SASH1: variants seen among roughly 807,000 people sequenced by gnomAD.
The protein encoded by SASH1 is SAM and SH3 domain containing 1, also known as SAM and SH3 domain-containing protein 1.
Under a neutral mutation model 125.2 loss-of-function variants are expected in SASH1, and 44 were observed. The ratio of observed to expected loss-of-function variants is 0.35; its 90% CI spans 0.28 to 0.45. The LOEUF is 0.45. Ranked by LOEUF, SASH1 falls within the 20% of genes least tolerant of loss-of-function variation. SASH1 has a pLI of 1.00. For missense variants in SASH1, 1,426 were observed against 1,614.5 expected, an observed-to-expected ratio of 0.88 and a Z score of 2.00; for synonymous variants, 639 against 649.1, an observed-to-expected ratio of 0.98 and a Z score of 0.24.
intron 2 of SASH1, among the ~76,000 whole-genome samples, chr6:148,414,580 C>T (rs934841922): frequency 6.6e-5 from 10 of 152,298 alleles, no homozygotes; most frequent in South Asian, 4.1e-4. Flanking sequence ...ATGCCTACAA[C>T]GTGCCAGGCA....
the SASH1 span, among the ~76,000 whole-genome samples, chr6:148,211,150 T>C: frequency 2.0e-5 from 3 of 152,268 alleles, no homozygotes; most frequent in Admixed American, 2.0e-4. Flanking sequence ...ATTCATCCAG[T>C]GATTCATTCA....
At chr6:148,476,819 A>G (rs866444777) in intron 7 of SASH1, among the ~76,000 whole-genome samples, 3 of 152,324 alleles carry the variant, frequency 2.0e-5, no homozygotes, top group East Asian at 3.9e-4. Context: ...AATCTATACT[A>G]CGGAGCTGTA....
chr6:148,346,533 G>A (rs972323344), intron 1 of SASH1, among the ~76,000 whole-genome samples: 1 of 151,840 alleles, frequency 6.6e-6, no homozygotes, highest in East Asian at 1.9e-4. Flanking sequence ...TGGAGGGCAG[G>A]GTCAGTGTCT....
chr6:148,322,932 T>C lies in SASH1; in HGVS notation n.74+50555T>C, dbSNP rs1314701316. ...TTTCTTTCTTTTTTCTTTCTCTCTT[T>C]CTTTTCCTTCCTTCCTTCCTCCCTC... is the stretch of plus-strand genomic sequence containing the variant. On this transcript the variant is annotated intron_variant and non_coding_transcript_variant, in intron 1 of 3. Transcript: ENST00000367469. 6.6e-4 allele frequency among the ~76,000 whole-genome samples: 77 copies of C among 116,790 alleles called. 4 individuals are homozygous for C. The highest frequency in any genetic ancestry group is 1.3e-3 in the Admixed American group (14 of 10,854). The allele number at this position is 116,790 out of a possible 152,430, so 76.6% of individuals were successfully genotyped here. A position where few individuals can be genotyped will look rare whatever the true frequency, so the allele number is the denominator to read the frequency against.
At chr6:148,339,632 C>T (rs939364001), upstream of SASH1, among the ~76,000 whole-genome samples, 1 of 151,942 alleles carries the variant, frequency 6.6e-6, no homozygotes, top group African/African-American at 2.4e-5. Flanking sequence ...GCAACCTCCA[C>T]TTCCCAGGTT....
chr6:148,530,816 A>G lies in SASH1; in HGVS notation c.1429-710A>G, dbSNP rs117242955. 5.3e-3 allele frequency among the ~76,000 whole-genome samples: 812 copies of G among 152,324 alleles called. 5 individuals are homozygous for G. Among genetic ancestry groups the G allele is most frequent in the Non-Finnish European group, 8.4e-3 (574 of 68,026 alleles). On this transcript the variant is annotated intron_variant, in intron 12 of 19. Coordinates refer to ENST00000367467, the MANE Select transcript of SASH1 (RefSeq NM_015278.5). Reference sequence around the variant, plus strand: ...AATGAGGAGCCGCTGAGAGGATAATACTTAGCTACTCAAAATGCAGGAAGT... The same window carrying G: ...AATGAGGAGCCGCTGAGAGGATAATGCTTAGCTACTCAAAATGCAGGAAGT...
chr6:148,406,863 G>A lies in SASH1; in HGVS notation c.285+16601G>A, dbSNP rs777891578. Among the ~76,000 whole-genome samples the A allele has an allele frequency of 1.7e-3, 256 of 147,546 alleles. 2 individuals are homozygous for A. Among genetic ancestry groups the A allele is most frequent in the African/African-American group, 3.8e-3 (152 of 40,044 alleles). The stretch of plus-strand genomic sequence containing the variant: ...AAGGGAGGAGCAGAGAGAATCAGGC[G>A]CTCCAAGGGAGGAGCAGAGAGAATC... On this transcript the variant is annotated intron_variant, in intron 2 of 19. Transcript: ENST00000367467.
At position 148,525,356 on chromosome 6, in the gene SASH1, T is replaced by A. The variant is rs1454144463; in HGVS notation, c.1275T>A (p.Ser425=). Reference sequence around the variant, plus strand: ...CTCTGCACGTTGGCAGTAATAATTCTGACCCAATGGTGAGTAACATCAGAG... The same window carrying A: ...CTCTGCACGTTGGCAGTAATAATTCAGACCCAATGGTGAGTAACATCAGAG... ...NRSLHVGSNN[S]DPMGKEGDFV... Residue 425 remains serine, a synonymous_variant, in exon 11 of 20, where the codon TCT becomes TCA. Coordinates refer to ENST00000367467, the MANE Select transcript of SASH1 (RefSeq NM_015278.5). 1 of 1,613,420 alleles carries A rather than the reference T, an allele frequency of 6.2e-7. No homozygotes were observed. The highest frequency in any genetic ancestry group is 8.5e-7 in the Non-Finnish European group (1 of 1,179,484).
At chr6:148,367,338 C>A (rs1347622983) in intron 1 of SASH1, among the ~76,000 whole-genome samples, 1 of 152,238 alleles carries the variant, frequency 6.6e-6, no homozygotes, top group African/African-American at 2.4e-5. Context: ...TTTTAGCAAT[C>A]CTCAGTTGAG....
At chr6:148,342,555 G>T (rs936431197), upstream of SASH1, 19 of 152,290 alleles carry the variant, frequency 1.2e-4, no homozygotes, top group African/African-American at 4.3e-4. Context: ...GCTTTCTTTA[G>T]CCTCGAGGGA....
chr6:148,361,214 T>G (rs1366859897), intron 1 of SASH1, among the ~76,000 whole-genome samples: 1 of 152,216 alleles, frequency 6.6e-6, no homozygotes, highest in Non-Finnish European at 1.5e-5. Context: ...TATTGGTGCT[T>G]TGTTATGGCA....
At chr6:148,349,884 C>T (rs892413652) in intron 1 of SASH1, among the ~76,000 whole-genome samples, 5 of 148,560 alleles carry the variant, frequency 3.4e-5, no homozygotes, top group Non-Finnish European at 3.0e-5. Flanking sequence ...CTCGCTCTGT[C>T]GCCCAGGCTG....
intron 2 of SASH1, among the ~76,000 whole-genome samples, chr6:148,409,794 C>T (rs769513490): frequency 1.3e-5 from 2 of 151,974 alleles, no homozygotes; most frequent in African/African-American, 2.4e-5. Flanking sequence ...ATTAGCTGAG[C>T]GTGGTGGCAC....
chr6:148,544,050 GC>G lies in SASH1; in HGVS notation c.2585del (p.Pro862LeufsTer33), dbSNP rs1164978042. 3 of 1,613,866 alleles carry G rather than the reference GC, an allele frequency of 1.9e-6. No homozygotes were observed. The African/African-American group carries it at 4.0e-5, about 22-fold the overall frequency. The part of the protein sequence containing the change: ...QDVPTEVTEP[P>X]PQIVPEVPQK... ...ACGTGCCTACCGAGGTGACAGAACC[GC>G]CCCCTCAGATTGTACCTGAAGTGCC... is the stretch of plus-strand genomic sequence containing the variant. On this transcript the variant is annotated frameshift_variant, in exon 18 of 20. Transcript: ENST00000367467. LOFTEE classifies it high-confidence loss of function. This position sits in a 1 kb window ranked among gnomAD's most constrained non-coding sequence, Gnocchi z 6.4.
intron 1 of SASH1, among the ~76,000 whole-genome samples, chr6:148,378,517 G>A (rs113026707): frequency 0.06 from 9,136 of 152,166 alleles, 332 homozygotes; most frequent in South Asian, 0.15. Context: ...ATCATGCCCC[G>A]CTAATTTTTA....
At chr6:148,219,902 G>A in the SASH1 span, among the ~76,000 whole-genome samples, 58 of 152,156 alleles carry the variant, frequency 3.8e-4, no homozygotes, top group African/African-American at 1.4e-3. Flanking sequence ...GCAAAATGGT[G>A]CATGGTATTG....
intron 1 of SASH1, among the ~76,000 whole-genome samples, chr6:148,311,948 C>T (rs186308737): frequency 2.6e-5 from 4 of 152,188 alleles, no homozygotes; most frequent in Admixed American, 6.5e-5. Context: ...CAGTGGAATA[C>T]GGCTCAGCAA....
At chr6:148,462,342 T>C (rs189027435) in intron 4 of SASH1, among the ~76,000 whole-genome samples, 1 of 151,990 alleles carries the variant, frequency 6.6e-6, no homozygotes, top group East Asian at 1.9e-4. Flanking sequence ...TCTGGACAGC[T>C]CATCAAAGCC....
At chr6:148,499,065 T>G (rs889395965) in intron 8 of SASH1, among the ~76,000 whole-genome samples, 2 of 150,412 alleles carry the variant, frequency 1.3e-5, no homozygotes, top group African/African-American at 2.4e-5. Context: ...TTGTTTTTTT[T>G]TTTTTTTTTG....
Sources: allele counts gnomAD v4.1 joint callset (sites outside exome capture counted in the v4.1 genomes callset), GRCh38; gene constraint gnomAD v4.1.1; non-coding constraint Gnocchi (gnomAD v3.1); transcripts MANE v1.5; gene names NCBI Gene and HGNC (gene_info 2026-07-23, HGNC 2026-07-21).